Variants in HHLA2 observed in about 807,000 individuals in gnomAD.
HHLA2 encodes HERV-H LTR-associating protein 2.
A neutral mutation model predicts 45.9 loss-of-function variants in HHLA2; 48 were observed. The ratio of observed to expected loss-of-function variants is 1.05; its 90% CI spans 0.83 to 1.33. The LOEUF is 1.33. Among genes scored for constraint, HHLA2 ranks in the 40% most tolerant of loss-of-function variants. The pLI is 0.00. For synonymous variants in HHLA2, 161 were observed against 173.9 expected (o/e 0.93, Z 0.59); for missense variants, 462 against 494.3 (o/e 0.93, Z 0.62).
chr3:108,368,292 T>G (rs1232907105), intron 8 of HHLA2, among the ~76,000 whole-genome samples: 1 of 151,888 alleles, frequency 6.6e-6, no homozygotes, highest in Non-Finnish European at 1.5e-5. Flanking sequence ...ATGAGGAAAC[T>G]GCCTCAACTA....
intron 10 of HHLA2, chr3:108,377,016 T>C: frequency 2.1e-6 from 1 of 482,210 alleles, no homozygotes; most frequent in Non-Finnish European, 3.7e-6. Context: ...GCCAGGAGTG[T>C]GGTAAACTTG....
At chr3:108,332,612 T>C (rs2081405678) in intron 3 of HHLA2, among the ~76,000 whole-genome samples, 2 of 152,278 alleles carry the variant, frequency 1.3e-5, no homozygotes, top group South Asian at 4.1e-4. Flanking sequence ...GCAAATTCAT[T>C]TGCAGGCTCT....
At chr3:108,355,259 G>C in exon 6 of HHLA2, 1 of 1,613,796 alleles carries the variant, frequency 6.2e-7, no homozygotes, top group Non-Finnish European at 8.5e-7. Context: ...GAAGAAACAG[G>C]GTCTTTGGAT....
chr3:108,362,390 T>C (rs1297905232), exon 8 of HHLA2: 5 of 1,612,996 alleles, frequency 3.1e-6, no homozygotes, highest in Non-Finnish European at 8.5e-7. Context: ...TGGATTTTGG[T>C]GCCCTCTGCG....
In HHLA2 at chr3:108,320,457, C is replaced by T. The variant is rs72937755; in HGVS notation, c.-104-7813C>T. Among the ~76,000 whole-genome samples, 959 of 152,288 alleles carry T rather than the reference C, an allele frequency of 6.3e-3. 10 individuals carry two copies. Among genetic ancestry groups the T allele is most frequent in the African/African-American group, 0.022 (901 of 41,560 alleles). On this transcript the variant is annotated intron_variant, in intron 2 of 10. Transcript: ENST00000619531. The stretch of plus-strand genomic sequence containing the variant: ...CTTTTAATGGCAAAGACCACGATTA[C>T]TTTTGCACCAACCTAATAGAATCCT...
At chr3:108,319,355 TCTTC>T (rs1156270483) in intron 2 of HHLA2, among the ~76,000 whole-genome samples, 3 of 152,224 alleles carry the variant, frequency 2.0e-5, no homozygotes, top group South Asian at 4.1e-4. Context: ...TCCCACTTGA[TCTTC>T]CTTCCTTCCT....
At chr3:108,328,057 C>T (rs55752006) in intron 2 of HHLA2, among the ~76,000 whole-genome samples, 9,932 of 152,002 alleles carry the variant, frequency 0.065, 1,107 homozygotes, top group East Asian at 0.49. Context: ...CACTTGAACC[C>T]GGGAGGCGGA....
chr3:108,340,910 TC>T (rs1283676063), intron 3 of HHLA2, among the ~76,000 whole-genome samples: 5 of 69,940 alleles, frequency 7.1e-5, no homozygotes, highest in African/African-American at 2.9e-4. Flanking sequence ...TTTTTTTTTT[TC>T]CTTCCTTCCT....
chr3:108,335,451 C>T (rs990240232), intron 3 of HHLA2, among the ~76,000 whole-genome samples: 3 of 152,094 alleles, frequency 2.0e-5, no homozygotes, highest in Non-Finnish European at 4.4e-5. Context: ...ACAGGGCTAA[C>T]CCTAAAAGAC....
chr3:108,317,584 T>A (rs2107332036), intron 2 of HHLA2, among the ~76,000 whole-genome samples: 1 of 151,752 alleles, frequency 6.6e-6, no homozygotes, highest in Non-Finnish European at 1.5e-5. Context: ...TTCTTTTTTT[T>A]TTTTTTTTGA....
At chr3:108,314,971 A>G (rs908096227) in intron 2 of HHLA2, among the ~76,000 whole-genome samples, 1 of 152,164 alleles carries the variant, frequency 6.6e-6, no homozygotes, top group Admixed American at 6.5e-5. Flanking sequence ...TTATCTGAAT[A>G]GAAAGTTTGC....
chr3:108,303,658 A>G (rs1003418023), intron 1 of HHLA2, among the ~76,000 whole-genome samples: 2 of 152,056 alleles, frequency 1.3e-5, no homozygotes, highest in African/African-American at 2.4e-5. Context: ...GTTTTATTCC[A>G]GGTTGGGCTT....
chr3:108,360,939 A>G (rs2081975165), intron 7 of HHLA2, among the ~76,000 whole-genome samples: 1 of 152,218 alleles, frequency 6.6e-6, no homozygotes, highest in African/African-American at 2.4e-5. Flanking sequence ...TTATGTAAAA[A>G]GAGGTATTCA....
intron 2 of HHLA2, among the ~76,000 whole-genome samples, chr3:108,324,515 A>G (rs2081256421): frequency 6.6e-6 from 1 of 152,222 alleles, no homozygotes; most frequent in Admixed American, 6.5e-5. Context: ...TTTGCCAGGC[A>G]ATCAAGCACT....
chr3:108,308,069 A>G (rs866826728), intron 1 of HHLA2, among the ~76,000 whole-genome samples: 1 of 152,200 alleles, frequency 6.6e-6, no homozygotes, highest in Non-Finnish European at 1.5e-5. Context: ...TATTGATTAT[A>G]GTCACTCTGT....
chr3:108,298,102 T>C (rs938696638), intron 1 of HHLA2, among the ~76,000 whole-genome samples: 1 of 152,186 alleles, frequency 6.6e-6, no homozygotes, highest in East Asian at 1.9e-4. Context: ...CTTTTCCAAG[T>C]ATCTGCATAG....
At chr3:108,313,587 C>T (rs2081055828) in intron 2 of HHLA2, among the ~76,000 whole-genome samples, 1 of 152,146 alleles carries the variant, frequency 6.6e-6, no homozygotes. Flanking sequence ...GGCAGTGGTG[C>T]AGCACCAAGG....
At chr3:108,371,640 G>A (rs2082174812) in intron 8 of HHLA2, among the ~76,000 whole-genome samples, 1 of 152,086 alleles carries the variant, frequency 6.6e-6, no homozygotes, top group African/African-American at 2.4e-5. Flanking sequence ...GATCTACCAA[G>A]CAAATGACAA....
chr3:108,336,774 T>G (rs6805971), intron 3 of HHLA2, among the ~76,000 whole-genome samples: 8,345 of 151,580 alleles, frequency 0.055, 241 homozygotes, highest in African/African-American at 0.06. Flanking sequence ...CTGGAACAGC[T>G]CAAGAACCAA....
Sources: gnomAD v4.1 joint callset for allele counts (sites outside exome capture counted in the v4.1 genomes callset) on GRCh38, gnomAD v4.1.1 for gene constraint, MANE v1.5 for transcripts, NCBI Gene and HGNC (gene_info 2026-07-23, HGNC 2026-07-21) for gene names.